Variants in KIAA1958 observed in about 807,000 individuals in gnomAD.
KIAA1958 encodes KIAA1958, also known as uncharacterized protein KIAA1958.
KIAA1958 carries 14 observed loss-of-function variants against 47.2 expected under a neutral mutation model. That is an observed-to-expected ratio of 0.30 (90% CI 0.20 to 0.46). The LOEUF (loss-of-function observed/expected upper bound fraction) is 0.46. KIAA1958 is among the 20% of genes least tolerant of loss of function. The probability of loss-of-function intolerance (pLI) is 1.00; values close to 1 mark genes in which losing one functional copy is unlikely to be tolerated. For synonymous variants in KIAA1958, 354 were observed against 353.3 expected, an observed-to-expected ratio of 1.00 and a Z score of -0.02; for missense variants, 803 against 909.2, an observed-to-expected ratio of 0.88 and a Z score of 1.50.
intron 2 of KIAA1958, among the ~76,000 whole-genome samples, chr9:112,622,242 G>A (rs768710861): frequency 3.0e-4 from 46 of 152,250 alleles, no homozygotes; most frequent in Non-Finnish European, 5.3e-4. Flanking sequence ...AACTGAATGC[G>A]CTGCCTTTTC....
intron 2 of KIAA1958, among the ~76,000 whole-genome samples, chr9:112,583,601 T>C (rs1316861095): frequency 1.3e-5 from 2 of 152,182 alleles, no homozygotes; most frequent in Non-Finnish European, 2.9e-5. Context: ...AATAGATAAA[T>C]ATATTGTGAT....
intron 3 of KIAA1958, among the ~76,000 whole-genome samples, chr9:112,658,059 G>T (rs1837184383): frequency 6.6e-6 from 1 of 152,108 alleles, no homozygotes; most frequent in Non-Finnish European, 1.5e-5. Flanking sequence ...GTTTCACCAT[G>T]TTGGCCAGGC....
At chr9:112,581,405 A>ACACCCATTT (rs879422137) in intron 2 of KIAA1958, among the ~76,000 whole-genome samples, 5 of 152,162 alleles carry the variant, frequency 3.3e-5, no homozygotes, top group Non-Finnish European at 7.4e-5. Flanking sequence ...TCATGTAGTT[A>ACACCCATTT]CACCCATTTG....
chr9:112,522,820 G>T (rs1195279905), intron 1 of KIAA1958, among the ~76,000 whole-genome samples: 1 of 152,156 alleles, frequency 6.6e-6, no homozygotes, highest in Non-Finnish European at 1.5e-5. Context: ...GTCCCCAGTG[G>T]GTCCTTGGAA....
At chr9:112,558,442 A>G (rs1835278621) in intron 1 of KIAA1958, among the ~76,000 whole-genome samples, 1 of 152,146 alleles carries the variant, frequency 6.6e-6, no homozygotes, top group South Asian at 2.1e-4. Context: ...CATAATACCA[A>G]ATTAAAACCG....
At chr9:112,588,421 G>A (rs1406392475) in intron 2 of KIAA1958, among the ~76,000 whole-genome samples, 1 of 152,110 alleles carries the variant, frequency 6.6e-6, no homozygotes, top group African/African-American at 2.4e-5. Context: ...GCCCGTCCCA[G>A]CATTATTATT....
At chr9:112,542,274 A>AAC (rs1264999269) in intron 1 of KIAA1958, among the ~76,000 whole-genome samples, 2 of 152,166 alleles carry the variant, frequency 1.3e-5, no homozygotes, top group Admixed American at 1.3e-4. Context: ...TATGGTCAAG[A>AAC]ACATAGCTCA....
chr9:112,658,597 G>C (rs544808022), intron 3 of KIAA1958, among the ~76,000 whole-genome samples: 5 of 152,056 alleles, frequency 3.3e-5, no homozygotes, highest in African/African-American at 1.2e-4. Flanking sequence ...ACCCTTTCAC[G>C]GTCCTCTGCT....
In KIAA1958 at chr9:112,614,608, A is replaced by G. The variant is rs149717268; in HGVS notation, c.1172-31042A>G. On this transcript the variant is annotated intron_variant, in intron 2 of 3. Transcript: ENST00000337530. ...TTTCCCTCTTACTCATGTAAAATCA[A>G]TGATGGTGTCTTTACCCTTTCAACC... 8.8e-3 allele frequency among the ~76,000 whole-genome samples: 1,338 copies of G among 152,356 alleles called. 12 individuals carry two copies. The highest frequency in any genetic ancestry group is 0.051 in the Middle Eastern group (15 of 294).
Position 112,587,421 on chromosome 9 carries a change from A to G in KIAA1958, c.1171+12170A>G. Among the ~76,000 whole-genome samples, 2 of 152,250 alleles carry G rather than the reference A, an allele frequency of 1.3e-5. 1 individual carries two copies. Among genetic ancestry groups the G allele is most frequent in the South Asian group, 4.1e-4 (2 of 4,834 alleles). On this transcript the variant is annotated intron_variant, in intron 2 of 3. Transcript: ENST00000337530. ...CGCTTTGGCCCCCCAAAGTGCTGGGATTACAGGCATGAGCTACTGCGCCTG... is the reference window on the plus strand; with the variant it reads ...CGCTTTGGCCCCCCAAAGTGCTGGGGTTACAGGCATGAGCTACTGCGCCTG...
intron 1 of KIAA1958, among the ~76,000 whole-genome samples, chr9:112,565,032 A>C (rs1835403542): frequency 6.6e-6 from 1 of 152,236 alleles, no homozygotes; most frequent in Non-Finnish European, 1.5e-5. Flanking sequence ...TGTCTAAAAA[A>C]TATTAGCTTT....
intron 2 of KIAA1958, chr9:112,619,240 G>A (rs1456713494): frequency 6.4e-6 from 1 of 155,398 alleles, no homozygotes; most frequent in East Asian, 1.9e-4. Flanking sequence ...AAAGGAAATT[G>A]AGAGTCATCC....
chr9:112,570,591 A>G (rs79840212), intron 1 of KIAA1958, among the ~76,000 whole-genome samples: 3 of 152,220 alleles, frequency 2.0e-5, no homozygotes, highest in African/African-American at 7.2e-5. Flanking sequence ...TTAACTTATC[A>G]CAGCCCTTTT....
At position 112,615,034 on chromosome 9, in the gene KIAA1958, T is replaced by A. The variant is rs566130826; in HGVS notation, c.1172-30616T>A. Among the ~76,000 whole-genome samples, 226 of 152,352 alleles carry A rather than the reference T, an allele frequency of 1.5e-3. 1 individual carries two copies. Among genetic ancestry groups the A allele is most frequent in the African/African-American group, 5.3e-3 (222 of 41,588 alleles). ...CCTTAAAAGAACTTTGAATAGTCTT[T>A]ACCACTCACTTTTAAATTGACACCC... On this transcript the variant is annotated intron_variant, in intron 2 of 3. Transcript: ENST00000337530.
chr9:112,518,411 A>G (rs1834476216), intron 1 of KIAA1958, among the ~76,000 whole-genome samples: 1 of 152,242 alleles, frequency 6.6e-6, no homozygotes, highest in Non-Finnish European at 1.5e-5. Flanking sequence ...GATACACCCA[A>G]CAATATAGAT....
At chr9:112,553,780 G>C (rs1237228421) in intron 1 of KIAA1958, among the ~76,000 whole-genome samples, 1 of 152,010 alleles carries the variant, frequency 6.6e-6, no homozygotes, top group African/African-American at 2.4e-5. Context: ...CAGTAACTAG[G>C]TTTATTTGTT....
chr9:112,583,443 G>A (rs1012065680), intron 2 of KIAA1958, among the ~76,000 whole-genome samples: 7 of 152,118 alleles, frequency 4.6e-5, no homozygotes, highest in African/African-American at 7.2e-5. Context: ...TAAAGTGTGC[G>A]TATCATACAA....
chr9:112,513,491 G>T (rs1259984003), intron 1 of KIAA1958, among the ~76,000 whole-genome samples: 3 of 37,392 alleles, frequency 8.0e-5, no homozygotes, highest in Non-Finnish European at 4.9e-5. Context: ...GGTGGCCGCG[G>T]CTGGTGGTTG....
intron 1 of KIAA1958, among the ~76,000 whole-genome samples, chr9:112,562,304 T>C (rs769565308): frequency 8.5e-5 from 13 of 152,212 alleles, no homozygotes; most frequent in Non-Finnish European, 1.3e-4. Flanking sequence ...CTTATCATTT[T>C]ACAGATAAGG....
Sources: gnomAD v4.1 joint callset for allele counts (sites outside exome capture counted in the v4.1 genomes callset) on GRCh38, gnomAD v4.1.1 for gene constraint, MANE v1.5 for transcripts, NCBI Gene and HGNC (gene_info 2026-07-23, HGNC 2026-07-21) for gene names.